HDX: variants seen among roughly 807,000 people sequenced by gnomAD.
The protein encoded by HDX is highly divergent homeobox, also known as chromosome X open reading frame 43.
A neutral mutation model predicts 45.2 loss-of-function variants in HDX; 19 were observed. The observed-to-expected ratio is 0.42, with a 90% CI of 0.29 to 0.62. HDX has a LOEUF of 0.62. HDX is among the 20% of genes least tolerant of loss of function. The pLI, the probability that HDX is intolerant of heterozygous loss-of-function variation, is 0.20. For missense variants in HDX, 532 were observed against 493.9 expected (o/e 1.08, Z -0.73); for synonymous variants, 188 against 172.8 (o/e 1.09, Z -0.69).
chrX:84,482,539 C>T (rs1042706509), intron 2 of HDX, among the ~76,000 whole-genome samples: 1 of 111,518 alleles, frequency 9.0e-6, no homozygotes, highest in East Asian at 2.8e-4. Flanking sequence ...TGAGAACTTA[C>T]TCATTATCAT....
At chrX:84,388,931 G>A (rs756784620) in intron 5 of HDX, among the ~76,000 whole-genome samples, 39 of 111,755 alleles carry the variant, frequency 3.5e-4, no homozygotes, top group Non-Finnish European at 6.4e-4. Flanking sequence ...TCTCATCTGA[G>A]AAGCTTGGTA....
At chrX:84,486,956 G>A (rs2040807049) in intron 2 of HDX, among the ~76,000 whole-genome samples, 1 of 110,998 alleles carries the variant, frequency 9.0e-6, no homozygotes, top group Admixed American at 9.6e-5. Context: ...GTCCTCCTGG[G>A]ATTTCAGTGA....
chrX:84,443,102 G>T (rs1293672274), intron 4 of HDX, among the ~76,000 whole-genome samples: 3 of 111,569 alleles, frequency 2.7e-5, no homozygotes, highest in Non-Finnish European at 5.7e-5. Flanking sequence ...TGTGTCAGCA[G>T]TTACATGATA....
At chrX:84,338,655 T>C (rs189018822) in intron 7 of HDX, among the ~76,000 whole-genome samples, 2 of 110,794 alleles carry the variant, frequency 1.8e-5, no homozygotes, top group Non-Finnish European at 3.8e-5. Flanking sequence ...CTCTATCTGT[T>C]TATATTTGAC....
intron 5 of HDX, among the ~76,000 whole-genome samples, chrX:84,390,865 G>A (rs958391721): frequency 9.0e-6 from 1 of 111,596 alleles, no homozygotes; most frequent in Non-Finnish European, 1.9e-5. Flanking sequence ...TACTTATGGG[G>A]TACATGTATT....
At chrX:84,479,045 T>C (rs1413011604) in intron 2 of HDX, among the ~76,000 whole-genome samples, 6 of 112,136 alleles carry the variant, frequency 5.4e-5, no homozygotes, top group African/African-American at 1.9e-4. Context: ...CATGTCTGTA[T>C]TAATATTGTA....
At chrX:84,355,500 A>G (rs1427161084) in intron 6 of HDX, among the ~76,000 whole-genome samples, 2 of 111,855 alleles carry the variant, frequency 1.8e-5, no homozygotes, top group Admixed American at 1.9e-4. Context: ...CATTTTTCCA[A>G]TGGCACTTAG....
intron 5 of HDX, among the ~76,000 whole-genome samples, chrX:84,366,516 T>A (rs910683642): frequency 9.0e-6 from 1 of 111,674 alleles, no homozygotes; most frequent in African/African-American, 3.3e-5. Flanking sequence ...AAAGAGCGCA[T>A]GTAGCCAAGA....
At chrX:84,430,824 CCT>C (rs1491241190) in intron 5 of HDX, among the ~76,000 whole-genome samples, 1 of 102,772 alleles carries the variant, frequency 9.7e-6, no homozygotes, top group Non-Finnish European at 2.0e-5. Context: ...TTTCTTTCTC[CCT>C]CTTTCTTTCT....
chrX:84,397,660 A>G (rs2038597018), intron 5 of HDX, among the ~76,000 whole-genome samples: 1 of 111,396 alleles, frequency 9.0e-6, no homozygotes, highest in Admixed American at 9.5e-5. Flanking sequence ...GTTGAACCAC[A>G]GTGTTCTCTT....
At chrX:84,406,469 T>TAC (rs369018765) in intron 5 of HDX, among the ~76,000 whole-genome samples, 1,286 of 86,500 alleles carry the variant, frequency 0.015, 12 homozygotes, top group African/African-American at 0.033. Flanking sequence ...TAATCTCACA[T>TAC]ACACACACAC....
chrX:84,333,161 A>T (rs966484201), intron 9 of HDX, among the ~76,000 whole-genome samples: 2 of 111,518 alleles, frequency 1.8e-5, no homozygotes, highest in African/African-American at 6.5e-5. Flanking sequence ...TTATAAATCT[A>T]TGCAGAAAAC....
At chrX:84,441,350 A>G (rs2039757801) in intron 4 of HDX, among the ~76,000 whole-genome samples, 1 of 111,566 alleles carries the variant, frequency 9.0e-6, no homozygotes, top group South Asian at 3.7e-4. Flanking sequence ...TAAACTCAGC[A>G]CTGACTAATG....
rs1030957727 is a variant in HDX at position 84,344,335 on chromosome X, T to C, written c.1575A>G (p.Pro525=). 3 of 1,204,228 alleles carry C rather than the reference T, an allele frequency of 2.5e-6. No individual in the cohort carries two copies. The African/African-American group carries it at 5.3e-5, about 21-fold the overall frequency. Residue 525 remains proline (P), a synonymous_variant, in exon 7 of 11, where the codon CCA becomes CCG. Transcript: ENST00000373177. ...PESGSLSALT[P]GEEAGPEVGE... is the part of the protein sequence containing the mutation. ...CTACTTCAGGCCCAGCTTCCTCTCC[T>C]GGTGTGAGTGCAGATAAAGAACCAG...
intron 4 of HDX, among the ~76,000 whole-genome samples, chrX:84,451,013 C>T (rs1255563575): frequency 1.7e-4 from 19 of 110,980 alleles, no homozygotes; most frequent in Non-Finnish European, 1.9e-5. Context: ...ACAAAGCATA[C>T]CAAATATAGG....
At chrX:84,334,296 A>T (rs1425366515) in intron 8 of HDX, among the ~76,000 whole-genome samples, 1 of 110,999 alleles carries the variant, frequency 9.0e-6, no homozygotes, top group Non-Finnish European at 1.9e-5. Flanking sequence ...CACAATTTTT[A>T]AAAATTCCAA....
rs191370834 is a variant in HDX, at chrX:84,323,808, T to C, written c.1948-1794A>G. On this transcript the variant is annotated intron_variant, in intron 10 of 10. Transcript: ENST00000373177. ...ACGTGAATACGATTAACTTTCTTTA[T>C]TACAAATGTTTCATAAATGACAACT... Among the ~76,000 whole-genome samples, 161 of 112,467 alleles carry C rather than the reference T, an allele frequency of 1.4e-3. 1 individual carries two copies. The highest frequency in any genetic ancestry group is 2.8e-3 in the Non-Finnish European group (149 of 52,998).
chrX:84,326,213 A>G lies in HDX; in HGVS notation c.1912T>C (p.Leu638=), dbSNP rs144132320. The change falls in exon 10 of 11, where the codon TTA becomes CTA. Residue 638 remains leucine, a synonymous_variant. Coordinates refer to ENST00000373177, the MANE Select transcript of HDX (RefSeq NM_001177479.2). The part of the protein sequence containing the change: ...KLQTFVRSLI[L]AMKADDKEQQ... ...TCCTTATCATCAGCTTTCATTGCTA[A>G]TATCAAGCTTCTAACAAAAGTCTGA... The G allele has an allele frequency of 4.7e-4, 570 of 1,204,013 alleles. 3 individuals are homozygous for G. The African/African-American group carries it at 9.2e-3, about 19-fold the overall frequency.
At chrX:84,446,782 T>G (rs1300786733) in intron 4 of HDX, among the ~76,000 whole-genome samples, 1 of 112,052 alleles carries the variant, frequency 8.9e-6, no homozygotes, top group Non-Finnish European at 1.9e-5. Flanking sequence ...ACATTCAAAA[T>G]AGTAGGAGAT....
Sources: allele counts gnomAD v4.1 joint callset (sites outside exome capture counted in the v4.1 genomes callset), GRCh38; gene constraint gnomAD v4.1.1; transcripts MANE v1.5; gene names NCBI Gene and HGNC (gene_info 2026-07-23, HGNC 2026-07-21).